Variants in OPCML observed in about 807,000 individuals in gnomAD.
OPCML encodes the protein opioid binding protein/cell adhesion molecule like.
OPCML carries 13 observed loss-of-function variants against 37.8 expected under a neutral mutation model. The observed-to-expected ratio is 0.34, with a 90% confidence interval of 0.22 to 0.55. The LOEUF (loss-of-function observed/expected upper bound fraction) is 0.55. OPCML is among the 20% of genes least tolerant of loss of function. OPCML has a pLI of 0.91. For synonymous variants in OPCML, 176 were observed against 168.8 expected (o/e 1.04, Z -0.33); for missense variants, 341 against 435.6 (o/e 0.78, Z 1.93).
chr11:133,032,399 A>C (rs1202086845), intron 1 of OPCML, among the ~76,000 whole-genome samples: 1 of 152,168 alleles, frequency 6.6e-6, no homozygotes, highest in Non-Finnish European at 1.5e-5. Flanking sequence ...CTCAGTCTTC[A>C]TCCAGAATGT....
At chr11:133,167,722 G>T (rs1950230236) in intron 1 of OPCML, among the ~76,000 whole-genome samples, 2 of 152,034 alleles carry the variant, frequency 1.3e-5, no homozygotes, top group African/African-American at 4.8e-5. Context: ...AAGCTGTATT[G>T]CAGCACAGAC....
chr11:133,042,052 G>T (rs757204693), intron 1 of OPCML, among the ~76,000 whole-genome samples: 1 of 152,138 alleles, frequency 6.6e-6, no homozygotes, highest in African/African-American at 2.4e-5. Flanking sequence ...GGGGGTGGGG[G>T]GAGCCTGCTT....
intron 1 of OPCML, chr11:133,006,773 C>G (rs1947121566): frequency 2.0e-6 from 2 of 985,314 alleles, no homozygotes; most frequent in Middle Eastern, 5.2e-4. Flanking sequence ...AACGCCTGCC[C>G]CATGCACACA....
At chr11:133,314,191 C>T (rs1202632890) in intron 1 of OPCML, among the ~76,000 whole-genome samples, 14 of 134,440 alleles carry the variant, frequency 1.0e-4, no homozygotes, top group Admixed American at 5.1e-4. Context: ...GCCGAGATCG[C>T]GCCACTGCAC....
chr11:132,744,360 C>T (rs937294499), intron 2 of OPCML, among the ~76,000 whole-genome samples: 1 of 152,166 alleles, frequency 6.6e-6, no homozygotes, highest in African/African-American at 2.4e-5. Context: ...AAACTTTTGC[C>T]TCCCAACTTT....
chr11:133,390,208 C>A (rs1025003583), intron 1 of OPCML, among the ~76,000 whole-genome samples: 5 of 152,188 alleles, frequency 3.3e-5, no homozygotes, highest in African/African-American at 9.7e-5. Flanking sequence ...CCTGTAATCC[C>A]GGCACTTTTG....
chr11:133,384,714 C>A (rs1222357138), intron 1 of OPCML, among the ~76,000 whole-genome samples: 1 of 152,236 alleles, frequency 6.6e-6, no homozygotes, highest in Non-Finnish European at 1.5e-5. Flanking sequence ...TGGAGACCAG[C>A]CTCAATAGAG....
chr11:132,793,074 G>T (rs370894277), intron 2 of OPCML, among the ~76,000 whole-genome samples: 1 of 152,082 alleles, frequency 6.6e-6, no homozygotes, highest in African/African-American at 2.4e-5. Context: ...GGTCCGGGGC[G>T]CCTCCGGCCC....
chr11:133,457,358 TC>T (rs1156907648), intron 1 of OPCML, among the ~76,000 whole-genome samples: 1 of 151,954 alleles, frequency 6.6e-6, no homozygotes, highest in Non-Finnish European at 1.5e-5. Flanking sequence ...ATAGTGAGAC[TC>T]CATCTCTGCA....
chr11:132,493,886 C>T (rs958507420), intron 4 of OPCML, among the ~76,000 whole-genome samples: 2 of 152,258 alleles, frequency 1.3e-5, no homozygotes, highest in African/African-American at 4.8e-5. Flanking sequence ...ACCCTGCTCC[C>T]ATGTGCATCT....
At chr11:133,314,987 T>C (rs1943170874) in intron 1 of OPCML, among the ~76,000 whole-genome samples, 1 of 151,870 alleles carries the variant, frequency 6.6e-6, no homozygotes, top group Non-Finnish European at 1.5e-5. Flanking sequence ...TGTGTGTGCG[T>C]GTGTGTGTGT....
chr11:132,817,932 A>G lies in OPCML; in HGVS notation c.146+124994T>C, dbSNP rs182249234. 1.5e-4 allele frequency among the ~76,000 whole-genome samples: 23 copies of G among 152,362 alleles called. No homozygotes were observed. In the East Asian group the frequency reaches 4.4e-3, roughly 29 times the overall value. ...TTTAAGTATCACCAAGACGTTATGA[A>G]GTAGTGACCACAATATGGCATTGTA... On this transcript the variant is annotated intron_variant, in intron 2 of 7. Coordinates refer to ENST00000524381, the MANE Select transcript of OPCML (RefSeq NM_001012393.5).
At chr11:132,881,230 G>GA (rs1943212162) in intron 2 of OPCML, among the ~76,000 whole-genome samples, 1 of 152,200 alleles carries the variant, frequency 6.6e-6, no homozygotes, top group African/African-American at 2.4e-5. Flanking sequence ...GAAAACACTG[G>GA]GTGAGGGAAT....
chr11:132,796,953 A>G (rs1938360030), intron 2 of OPCML, among the ~76,000 whole-genome samples: 1 of 152,142 alleles, frequency 6.6e-6, no homozygotes, highest in East Asian at 1.9e-4. Flanking sequence ...CATTTTTAAA[A>G]TGGGCTATTT....
At chr11:133,155,111 TGGA>T (rs1318815622) in intron 1 of OPCML, among the ~76,000 whole-genome samples, 1 of 152,114 alleles carries the variant, frequency 6.6e-6, no homozygotes. Flanking sequence ...AGCAGAGAAC[TGGA>T]GGAGGAGGAG....
chr11:132,453,482 G>A (rs533444935), intron 4 of OPCML, among the ~76,000 whole-genome samples: 4 of 152,234 alleles, frequency 2.6e-5, no homozygotes, highest in South Asian at 2.1e-4. Flanking sequence ...ACACATGATC[G>A]GGCCCCACAA....
chr11:133,105,936 C>T (rs1949149919), intron 1 of OPCML, among the ~76,000 whole-genome samples: 1 of 151,658 alleles, frequency 6.6e-6, no homozygotes, highest in African/African-American at 2.4e-5. Context: ...GAGCCAAGAT[C>T]GTGCCACTGC....
intron 4 of OPCML, among the ~76,000 whole-genome samples, chr11:132,496,924 T>A (rs955591292): frequency 5.3e-5 from 8 of 152,184 alleles, no homozygotes; most frequent in African/African-American, 1.9e-4. Flanking sequence ...ATAATAACGA[T>A]GAGCAGGTAC....
At chr11:132,749,907 CAG>C (rs1189135695) in intron 2 of OPCML, among the ~76,000 whole-genome samples, 1 of 152,024 alleles carries the variant, frequency 6.6e-6, no homozygotes, top group Non-Finnish European at 1.5e-5. Flanking sequence ...TATGTGGAGA[CAG>C]AGTCTCACTC....
Sources: gnomAD v4.1 joint callset for allele counts (sites outside exome capture counted in the v4.1 genomes callset) on GRCh38, gnomAD v4.1.1 for gene constraint, MANE v1.5 for transcripts, NCBI Gene and HGNC (gene_info 2026-07-23, HGNC 2026-07-21) for gene names.